The following PICALM variants were observed in gnomAD, a reference collection of about 807,000 sequenced individuals.
PICALM encodes the protein phosphatidylinositol-binding clathrin assembly protein.
A neutral mutation model predicts 80.5 loss-of-function variants in PICALM; 40 were observed. The observed-to-expected ratio is 0.50, with a 90% CI of 0.39 to 0.65. PICALM has a LOEUF of 0.65. Among genes scored for constraint, PICALM ranks in the 30% least tolerant of loss-of-function variants. PICALM has a pLI of 0.00. For synonymous variants in PICALM, 288 were observed against 260.3 expected (o/e 1.11, Z -1.02); for missense variants, 676 against 778.9 (o/e 0.87, Z 1.57).
At chr11:86,051,282 T>C (rs1173993938) in intron 1 of PICALM, among the ~76,000 whole-genome samples, 1 of 152,174 alleles carries the variant, frequency 6.6e-6, no homozygotes, top group Non-Finnish European at 1.5e-5. Context: ...TAAACTATTT[T>C]AGTAACAGAT....
chr11:86,011,147 A>G lies in PICALM; in HGVS notation c.659-11T>C, dbSNP rs370642311. On this transcript the variant is annotated splice_polypyrimidine_tract_variant and intron_variant, in intron 6 of 19. Coordinates refer to ENST00000393346, the MANE Select transcript of PICALM (RefSeq NM_007166.4). ...TATCAAAATATTTTTCTGACAAAAT[A>G]AATGTAAAAATTCTTTTGTTCACAT... 13 of 1,155,690 alleles carry G rather than the reference A, an allele frequency of 1.1e-5. 1 individual carries two copies. The African/African-American group carries it at 1.9e-4, about 17-fold the overall frequency. 71.6% of individuals were successfully genotyped at this position (1,155,690 alleles called of 1,614,324 possible).
chr11:86,040,249 T>C (rs540602452), intron 1 of PICALM, among the ~76,000 whole-genome samples: 15 of 152,250 alleles, frequency 9.9e-5, no homozygotes, highest in Admixed American at 9.2e-4. Flanking sequence ...ATATCCAATA[T>C]ATACATGAAT....
Position 86,064,506 on chromosome 11 carries a change from T to C in PICALM, c.130+4145A>G, listed in dbSNP as rs2096414869. ...AAGGAGACCCTGTCTGTATAAAAAT[T>C]AAAAATTAGCTGTGCGTGGTAGCAG... On this transcript the variant is annotated intron_variant, in intron 1 of 19. Coordinates refer to ENST00000393346, the MANE Select transcript of PICALM (RefSeq NM_007166.4). Among the ~76,000 whole-genome samples the C allele has an allele frequency of 2.0e-5, 3 of 151,746 alleles. No homozygotes were observed. In the South Asian group the frequency reaches 6.2e-4, roughly 32 times the overall value.
intron 17 of PICALM, among the ~76,000 whole-genome samples, chr11:85,980,063 A>T (rs1294107611): frequency 6.6e-6 from 1 of 152,212 alleles, no homozygotes; most frequent in African/African-American, 2.4e-5. Flanking sequence ...CATATTTGCA[A>T]ATTCACCTAC....
At chr11:85,990,008 C>CAAAAAAAAAAA (rs5793177) in intron 13 of PICALM, among the ~76,000 whole-genome samples, 4 of 89,320 alleles carry the variant, frequency 4.5e-5, no homozygotes, top group African/African-American at 9.2e-5. Flanking sequence ...AACCAAACAC[C>CAAAAAAAAAAA]AAAAAAAAAA....
chr11:85,978,151 C>T, intron 17 of PICALM: 5 of 1,407,728 alleles, frequency 3.6e-6, no homozygotes, highest in Non-Finnish European at 5.0e-6. Context: ...AGAACAAGTA[C>T]TTACACAACA....
chr11:86,028,596 G>C (rs1300491127), intron 2 of PICALM, among the ~76,000 whole-genome samples: 1 of 152,010 alleles, frequency 6.6e-6, no homozygotes, highest in Non-Finnish European at 1.5e-5. Flanking sequence ...TACCATGAAG[G>C]TACTATCATA....
intron 13 of PICALM, among the ~76,000 whole-genome samples, chr11:85,989,014 T>C (rs561843865): frequency 6.6e-6 from 1 of 152,320 alleles, no homozygotes; most frequent in South Asian, 2.1e-4. Flanking sequence ...ACCACGACTC[T>C]CCTTTATGTA....
chr11:85,990,888 A>G (rs916545929), intron 12 of PICALM, among the ~76,000 whole-genome samples: 4 of 152,208 alleles, frequency 2.6e-5, no homozygotes, highest in Non-Finnish European at 5.9e-5. Flanking sequence ...ATAGATTCAA[A>G]ATAAAAAATA....
chr11:86,011,628 C>T (rs1313433448), intron 6 of PICALM, among the ~76,000 whole-genome samples: 2 of 152,038 alleles, frequency 1.3e-5, no homozygotes, highest in African/African-American at 2.4e-5. Context: ...TTATTTTTCA[C>T]TTGTGAAAAA....
intron 16 of PICALM, 67 bp downstream of exon 16, chr11:85,981,678 C>G (rs1395210385): frequency 8.1e-7 from 1 of 1,231,730 alleles, no homozygotes; most frequent in East Asian, 2.3e-5. Flanking sequence ...AATCAACCCT[C>G]CAAATAACAC....
chr11:86,010,994 G>C (rs974196768), intron 7 of PICALM, 36 bp downstream of exon 7: 1 of 879,058 alleles, frequency 1.1e-6, no homozygotes, highest in African/African-American at 1.7e-5. Context: ...CAGACAAAAA[G>C]GCAAGTTAGG....
chr11:85,981,674 C>A, intron 16 of PICALM, 71 bp downstream of exon 16: 1 of 1,154,866 alleles, frequency 8.7e-7, no homozygotes, highest in Non-Finnish European at 1.3e-6. Flanking sequence ...GCCAAATCAA[C>A]CCTCCAAATA....
intron 1 of PICALM, among the ~76,000 whole-genome samples, chr11:86,046,578 G>A (rs1046306433): frequency 3.9e-5 from 6 of 152,182 alleles, no homozygotes; most frequent in Admixed American, 1.3e-4. Flanking sequence ...ACACTGTCAT[G>A]AAAATAGCTC....
chr11:86,014,649 T>C (rs2095451869), intron 5 of PICALM, among the ~76,000 whole-genome samples: 1 of 152,146 alleles, frequency 6.6e-6, no homozygotes, highest in South Asian at 2.1e-4. Flanking sequence ...AGCTTGTATA[T>C]CTTAAAATTC....
intron 7 of PICALM, 84 bp from the exon 8 acceptor site, chr11:86,007,667 C>T (rs930229821): frequency 1.1e-5 from 5 of 456,072 alleles, no homozygotes; most frequent in African/African-American, 1.1e-4. Flanking sequence ...ACGGCTAGTA[C>T]CAGTAATATT....
intron 1 of PICALM, among the ~76,000 whole-genome samples, chr11:86,063,572 C>G (rs1193256062): frequency 1.3e-5 from 2 of 152,052 alleles, no homozygotes; most frequent in African/African-American, 4.8e-5. Context: ...CTAGACATAT[C>G]TGGGAGGAAA....
At chr11:85,977,524 T>C (rs2094319686) in intron 17 of PICALM, among the ~76,000 whole-genome samples, 1 of 152,150 alleles carries the variant, frequency 6.6e-6, no homozygotes, top group Non-Finnish European at 1.5e-5. Flanking sequence ...TGCTAAAACA[T>C]AAAATAACTG....
intron 14 of PICALM, among the ~76,000 whole-genome samples, chr11:85,983,570 C>T (rs2094500573): frequency 6.6e-6 from 1 of 151,556 alleles, no homozygotes; most frequent in African/African-American, 2.4e-5. Flanking sequence ...CCTAAAAAGG[C>T]ACAACATCTA....
Sources: gnomAD v4.1 joint callset for allele counts (sites outside exome capture counted in the v4.1 genomes callset) on GRCh38, gnomAD v4.1.1 for gene constraint, MANE v1.5 for transcripts, NCBI Gene and HGNC (gene_info 2026-07-23, HGNC 2026-07-21) for gene names.